CCDC152: variants seen among roughly 807,000 people sequenced by gnomAD.
CCDC152 encodes coiled-coil domain containing 152, also known as coiled-coil domain-containing protein 152.
In CCDC152, 37 loss-of-function variants were observed where a neutral mutation model predicts 38.1. The ratio of observed to expected loss-of-function variants is 0.97; its 90% CI spans 0.75 to 1.28. The LOEUF (loss-of-function observed/expected upper bound fraction) is 1.28, where lower values mean the gene tolerates loss of function less well. CCDC152 is among the 50% of genes most tolerant of loss of function. The probability of loss-of-function intolerance (pLI) is 0.00; values close to 1 mark genes in which losing one functional copy is unlikely to be tolerated. For missense variants in CCDC152, 259 were observed against 292.1 expected (o/e 0.89, Z 0.83); for synonymous variants, 83 against 87.1 (o/e 0.95, Z 0.26).
intron 6 of CCDC152, among the ~76,000 whole-genome samples, chr5:42,784,662 A>G (rs1447001330): frequency 6.6e-6 from 1 of 152,156 alleles, no homozygotes; most frequent in East Asian, 1.9e-4. Flanking sequence ...TCTTAGTCAT[A>G]AATTCTTTGC....
intron 4 of CCDC152, among the ~76,000 whole-genome samples, chr5:42,776,850 A>G (rs1759773814): frequency 6.6e-6 from 1 of 152,222 alleles, no homozygotes; most frequent in South Asian, 2.1e-4. Flanking sequence ...GAAAATTTAA[A>G]ATATTTTGAA....
In CCDC152 at chr5:42,759,090, T is replaced by C. The variant is rs1405528188; in HGVS notation, c.-2-30T>C. ...GGTGCTTTAGATCTTATTTATTTATTTAACACTATCTACTGTTTACTACTT... is the reference window on the plus strand; with the variant it reads ...GGTGCTTTAGATCTTATTTATTTATCTAACACTATCTACTGTTTACTACTT... On this transcript the variant is annotated intron_variant, in intron 1 of 8. Coordinates refer to ENST00000361970, the MANE Select transcript of CCDC152 (RefSeq NM_001134848.2). 2.2e-6 allele frequency: 3 copies of C among 1,391,454 alleles called. No individual in the cohort carries two copies. In the African/African-American group the frequency reaches 4.3e-5, roughly 20 times the overall value. The allele number at this position is 1,391,454 out of a possible 1,614,324, so 86.2% of individuals were successfully genotyped here.
rs1281549965 is a variant in CCDC152 at position 42,800,485 on chromosome 5, AG to A, written c.*705del. On this transcript the variant is annotated 3_prime_UTR_variant, in exon 9 of 9. Transcript: ENST00000361970. ...TAGAACACTGGAAAAAGAAAAAAAA[AG>A]ACATATTAACCAAAAGCTGCAATCA... 1 of 441,502 alleles carries A rather than the reference AG, an allele frequency of 2.3e-6. No homozygotes were observed. Among genetic ancestry groups the A allele is most frequent in the African/African-American group, 2.0e-5 (1 of 49,624 alleles). The allele number at this position is 441,502 out of a possible 1,614,324, so 27.3% of individuals were successfully genotyped here.
intron 6 of CCDC152, among the ~76,000 whole-genome samples, chr5:42,792,210 A>C (rs948289223): frequency 1.8e-4 from 28 of 152,126 alleles, no homozygotes; most frequent in African/African-American, 6.3e-4. Flanking sequence ...TCATAGTAGA[A>C]CTGCTTTGGC....
At chr5:42,785,862 T>C (rs1230285420) in intron 6 of CCDC152, among the ~76,000 whole-genome samples, 3 of 152,192 alleles carry the variant, frequency 2.0e-5, no homozygotes, top group Non-Finnish European at 4.4e-5. Context: ...AAATGCTTTT[T>C]CTGCATATAC....
rs1710526752 is a variant in CCDC152, at chr5:42,796,944, GCTAC to G, written c.547_550del (p.Leu183AsnfsTer2). 1 of 1,520,470 alleles carries G rather than the reference GCTAC, an allele frequency of 6.6e-7. No individual in the cohort carries two copies. The highest frequency in any genetic ancestry group is 1.4e-5 in the African/African-American group (1 of 71,178). The allele number at this position is 1,520,470 out of a possible 1,614,324, so 94.2% of individuals were successfully genotyped here. A position where few individuals can be genotyped will look rare whatever the true frequency, so the allele number is the denominator to read the frequency against. ...AAGAAAAACAAAATGAAATAATCAA[GCTAC>G]AACTAGAAGTAAGTGTTTAAGAGTC... On this transcript the variant is annotated frameshift_variant, in exon 7 of 9. Transcript: ENST00000361970. LOFTEE classifies it high-confidence loss of function.
rs1382881807 is a variant in CCDC152 at position 42,799,734 on chromosome 5, C to T, written c.718C>T (p.Arg240Cys). Reference sequence around the variant, plus strand: ...TAATACCATTCGCGATTTAGAGCAACGCCTTTCTGTTGGCAAAGATTCTCA... The same window carrying T: ...TAATACCATTCGCGATTTAGAGCAATGCCTTTCTGTTGGCAAAGATTCTCA... ...LRNTIRDLEQ[R>C]LSVGKDSHLK... Residue 240 changes from arginine to cysteine, a missense_variant, in exon 9 of 9, where the codon CGC becomes TGC. Coordinates refer to ENST00000361970, the MANE Select transcript of CCDC152 (RefSeq NM_001134848.2). The T allele has an allele frequency of 5.2e-6, 8 of 1,551,206 alleles. No individual in the cohort carries two copies. Among genetic ancestry groups the T allele is most frequent in the Non-Finnish European group, 5.2e-6 (6 of 1,146,724 alleles).
intron 6 of CCDC152, among the ~76,000 whole-genome samples, chr5:42,794,094 G>A (rs926548021): frequency 2.0e-4 from 30 of 152,206 alleles, no homozygotes; most frequent in Admixed American, 3.3e-4. Flanking sequence ...CTCTGAGACA[G>A]GGAGAAGCAA....
At chr5:42,776,009 G>C (rs1385271952) in intron 4 of CCDC152, among the ~76,000 whole-genome samples, 1 of 151,024 alleles carries the variant, frequency 6.6e-6, no homozygotes, top group Non-Finnish European at 1.5e-5. Context: ...ATAAAAGGCA[G>C]AAAAAGAATA....
intron 1 of CCDC152, 34 bp downstream of exon 1, chr5:42,756,919 C>T (rs568355233): frequency 2.0e-5 from 3 of 152,880 alleles, no homozygotes; most frequent in African/African-American, 4.8e-5. Flanking sequence ...GTTCGAAATT[C>T]CCGCTTTCTC....
chr5:42,782,457 T>C (rs781712442), intron 5 of CCDC152, among the ~76,000 whole-genome samples: 1 of 152,222 alleles, frequency 6.6e-6, no homozygotes, highest in Non-Finnish European at 1.5e-5. Flanking sequence ...CTTATCTCCT[T>C]GGATCAGAAA....
intron 5 of CCDC152, among the ~76,000 whole-genome samples, chr5:42,781,551 GCGCGCACACA>G (rs1471919169): frequency 1.6e-4 from 23 of 147,598 alleles, no homozygotes; most frequent in Non-Finnish European, 2.7e-4. Context: ...AAATGCGCGC[GCGCGCACACA>G]CACACACACA....
At chr5:42,798,394 C>T (rs546829161) in intron 7 of CCDC152, among the ~76,000 whole-genome samples, 6 of 152,234 alleles carry the variant, frequency 3.9e-5, no homozygotes, top group Non-Finnish European at 5.9e-5. Context: ...TGGTGAGTTA[C>T]CTTGAGTAAT....
chr5:42,784,339 C>T (rs1471611255), intron 6 of CCDC152, among the ~76,000 whole-genome samples: 1 of 152,012 alleles, frequency 6.6e-6, no homozygotes, highest in Non-Finnish European at 1.5e-5. Context: ...GTGGTTTTAA[C>T]TTGCATTTCT....
intron 5 of CCDC152, among the ~76,000 whole-genome samples, chr5:42,781,544 TGC>T (rs67699328): frequency 0.12 from 18,134 of 148,394 alleles, 1,817 homozygotes; most frequent in African/African-American, 0.27. Context: ...CTGAGAAAAA[TGC>T]GCGCGCGCGC....
intron 6 of CCDC152, among the ~76,000 whole-genome samples, chr5:42,790,464 A>C (rs1473482417): frequency 6.6e-6 from 1 of 152,254 alleles, no homozygotes; most frequent in Admixed American, 6.5e-5. Flanking sequence ...AAAATGGTAC[A>C]GTCACTTTAA....
chr5:42,783,108 G>C (rs1290000691), intron 5 of CCDC152, among the ~76,000 whole-genome samples: 1 of 152,008 alleles, frequency 6.6e-6, no homozygotes, highest in Non-Finnish European at 1.5e-5. Context: ...CTGACCTCGT[G>C]ATCTGCCTGC....
intron 4 of CCDC152, among the ~76,000 whole-genome samples, chr5:42,772,123 T>C (rs1759707279): frequency 6.6e-6 from 1 of 152,170 alleles, no homozygotes; most frequent in Non-Finnish European, 1.5e-5. Flanking sequence ...GATCAATCAA[T>C]GTGATACACC....
At chr5:42,771,938 TCAGA>T (rs1454255475) in intron 4 of CCDC152, among the ~76,000 whole-genome samples, 1 of 152,052 alleles carries the variant, frequency 6.6e-6, no homozygotes, top group Non-Finnish European at 1.5e-5. Flanking sequence ...GACACCAAAA[TCAGA>T]CAAAGACACT....
Sources: allele counts gnomAD v4.1 joint callset (sites outside exome capture counted in the v4.1 genomes callset), GRCh38; gene constraint gnomAD v4.1.1; transcripts MANE v1.5; gene names NCBI Gene and HGNC (gene_info 2026-07-23, HGNC 2026-07-21).